TENM3: variants seen among roughly 807,000 people sequenced by gnomAD.
The protein encoded by TENM3 is teneurin transmembrane protein 3, also known as teneurin-3.
A neutral mutation model predicts 255.1 loss-of-function variants in TENM3; 63 were observed. That is an observed-to-expected ratio of 0.25 (90% CI 0.20 to 0.30). TENM3 has a LOEUF of 0.30. Among genes scored for constraint, TENM3 ranks in the 10% least tolerant of loss-of-function variants. TENM3 has a pLI of 1.00. For missense variants in TENM3, 2,929 were observed against 3,461.1 expected, an observed-to-expected ratio of 0.85 and a Z score of 3.86; for synonymous variants, 1,306 against 1,322.3, an observed-to-expected ratio of 0.99 and a Z score of 0.27.
chr4:181,990,909 T>G, the TENM3 span, among the ~76,000 whole-genome samples: 1 of 152,076 alleles, frequency 6.6e-6, no homozygotes, highest in African/African-American at 2.4e-5. Context: ...AAATACTTAC[T>G]AAGGGGTGCA....
At chr4:181,649,276 G>A in the TENM3 span, among the ~76,000 whole-genome samples, 1 of 152,216 alleles carries the variant, frequency 6.6e-6, no homozygotes. Flanking sequence ...TGAGGCTGGT[G>A]ATTACAATGA....
chr4:182,791,976 C>T (rs1766137733), intron 25 of TENM3, among the ~76,000 whole-genome samples: 2 of 152,150 alleles, frequency 1.3e-5, no homozygotes, highest in Admixed American at 1.3e-4. Flanking sequence ...TGTATTATGA[C>T]TAATCCAGAT....
chr4:182,154,883 G>A (rs1750596696), intron 1 of TENM3, among the ~76,000 whole-genome samples: 1 of 152,154 alleles, frequency 6.6e-6, no homozygotes, highest in Non-Finnish European at 1.5e-5. Context: ...AAAAGAAAAT[G>A]AAAGGACATT....
At chr4:181,630,467 T>C in the TENM3 span, among the ~76,000 whole-genome samples, 1 of 152,226 alleles carries the variant, frequency 6.6e-6, no homozygotes. Flanking sequence ...CTTACTCTTG[T>C]GGGCATTTAG....
chr4:182,387,349 A>C (rs1027787577), intron 3 of TENM3, among the ~76,000 whole-genome samples: 1 of 151,958 alleles, frequency 6.6e-6, no homozygotes, highest in Admixed American at 6.6e-5. Flanking sequence ...GTGTGTCCAA[A>C]CTCTGTATCT....
chr4:181,671,018 G>T, the TENM3 span, among the ~76,000 whole-genome samples: 1 of 152,068 alleles, frequency 6.6e-6, no homozygotes, highest in Admixed American at 6.6e-5. Flanking sequence ...TTAAGTAGTG[G>T]CATTATACAC....
the TENM3 span, among the ~76,000 whole-genome samples, chr4:181,454,683 T>TTTTTTTTTTTTTTTTTACCATTTTTATAC: frequency 2.1e-3 from 316 of 150,330 alleles, 2 homozygotes; most frequent in African/African-American, 7.1e-3. Context: ...ATTTTTATAC[T>TTTTTTTTTTTTTTTTTACCATTTTTATAC]TTTTTTTTCT....
At chr4:181,919,028 C>T in the TENM3 span, among the ~76,000 whole-genome samples, 2 of 152,276 alleles carry the variant, frequency 1.3e-5, no homozygotes, top group East Asian at 3.9e-4. Flanking sequence ...AACCTGGGAG[C>T]AATGCCATAG....
At chr4:181,903,115 C>T in the TENM3 span, among the ~76,000 whole-genome samples, 1 of 152,082 alleles carries the variant, frequency 6.6e-6, no homozygotes, top group Non-Finnish European at 1.5e-5. Context: ...AGCAAATAGT[C>T]ACTGGATGCC....
intron 12 of TENM3, among the ~76,000 whole-genome samples, chr4:182,712,730 T>G (rs1316885312): frequency 6.6e-6 from 1 of 152,216 alleles, no homozygotes; most frequent in Non-Finnish European, 1.5e-5. Flanking sequence ...AACACAGACT[T>G]AAACATCTTT....
At chr4:182,725,122 C>T (rs921699320) in intron 13 of TENM3, among the ~76,000 whole-genome samples, 12 of 151,700 alleles carry the variant, frequency 7.9e-5, no homozygotes, top group Admixed American at 2.0e-4. Context: ...GTGGGATCAT[C>T]TCTCACTGCA....
chr4:181,577,779 C>G, the TENM3 span, among the ~76,000 whole-genome samples: 1 of 141,758 alleles, frequency 7.1e-6, no homozygotes, highest in Non-Finnish European at 1.6e-5. Flanking sequence ...AGAGTTCTTT[C>G]TTTCTACTCT....
chr4:181,928,060 C>T, the TENM3 span, among the ~76,000 whole-genome samples: 10 of 152,080 alleles, frequency 6.6e-5, no homozygotes, highest in African/African-American at 9.7e-5. Flanking sequence ...GATAAATCCA[C>T]GAAGATGAGG....
the TENM3 span, among the ~76,000 whole-genome samples, chr4:182,094,256 T>C: frequency 6.6e-6 from 1 of 152,054 alleles, no homozygotes; most frequent in Admixed American, 6.6e-5. Flanking sequence ...TTTACTTTTT[T>C]TTTTTTTGAG....
chr4:182,149,794 A>G (rs2149574152), intron 1 of TENM3, among the ~76,000 whole-genome samples: 1 of 152,156 alleles, frequency 6.6e-6, no homozygotes, highest in East Asian at 1.9e-4. Flanking sequence ...TTGTAAGTTT[A>G]GGAGTCAATC....
the TENM3 span, among the ~76,000 whole-genome samples, chr4:182,006,715 G>A: frequency 6.5e-4 from 97 of 149,610 alleles, no homozygotes; most frequent in Admixed American, 8.6e-4. Context: ...GGTTTTTTTC[G>A]TGTTTCTATC....
intron 6 of TENM3, among the ~76,000 whole-genome samples, chr4:182,666,442 C>T (rs1754687193): frequency 6.6e-6 from 1 of 152,150 alleles, no homozygotes; most frequent in African/African-American, 2.4e-5. Context: ...TAAGAAATTG[C>T]CACAGACACT....
chr4:181,718,187 C>A, the TENM3 span, among the ~76,000 whole-genome samples: 1 of 152,102 alleles, frequency 6.6e-6, no homozygotes, highest in Admixed American at 6.5e-5. Flanking sequence ...TGGAAGAATA[C>A]AAGTCTGGAA....
Position 182,729,034 on chromosome 4 carries a change from G to T in TENM3, c.2438G>T (p.Arg813Leu). Residue 813 changes from arginine to leucine, a missense_variant, in exon 14 of 28, where the codon CGG becomes CTG. By Grantham distance (102) the Arg-to-Leu change is moderately radical. Coordinates refer to ENST00000511685, the MANE Select transcript of TENM3 (RefSeq NM_001080477.4). ...QSSCQNQPYC[R>L]GLPDPQDIIS... ...TCCTGCCAGAATCAGCCCTATTGTCGGGGACTGCCGGATCCTCAGGACATC... is the reference window on the plus strand; with the variant it reads ...TCCTGCCAGAATCAGCCCTATTGTCTGGGACTGCCGGATCCTCAGGACATC... 1 of 1,613,888 alleles carries T rather than the reference G, an allele frequency of 6.2e-7. No individual in the cohort carries two copies. The highest frequency in any genetic ancestry group is 1.6e-4 in the Middle Eastern group (1 of 6,062).
Sources: gnomAD v4.1 joint callset for allele counts (sites outside exome capture counted in the v4.1 genomes callset) on GRCh38, gnomAD v4.1.1 for gene constraint, MANE v1.5 for transcripts, NCBI Gene and HGNC (gene_info 2026-07-23, HGNC 2026-07-21) for gene names.